Variants in INIP observed in about 807,000 individuals in gnomAD.
The protein encoded by INIP is SOSS complex subunit C.
INIP carries 9 observed loss-of-function variants against 14.0 expected under a neutral mutation model. The observed-to-expected ratio is 0.64, with a 90% CI of 0.39 to 1.12. INIP has a LOEUF of 1.12. Ranked by LOEUF, INIP falls within the 50% of genes most tolerant of loss-of-function variation. The pLI is 0.01. For synonymous variants in INIP, 37 were observed against 41.5 expected (o/e 0.89, Z 0.41); for missense variants, 78 against 122.7 (o/e 0.64, Z 1.72).
At chr9:112,696,768 C>T (rs1458886358) in intron 2 of INIP, among the ~76,000 whole-genome samples, 3 of 152,316 alleles carry the variant, frequency 2.0e-5, no homozygotes, top group East Asian at 1.9e-4. Context: ...ACTTTACTTA[C>T]ATTCACTAGT....
intron 2 of INIP, among the ~76,000 whole-genome samples, chr9:112,703,516 T>G (rs1838361882): frequency 6.6e-6 from 1 of 152,176 alleles, no homozygotes; most frequent in Non-Finnish European, 1.5e-5. Context: ...GCCAGGAATT[T>G]GAGACCAGCC....
At chr9:112,690,710 A>G (rs147482339) in intron 3 of INIP, among the ~76,000 whole-genome samples, 16 of 152,344 alleles carry the variant, frequency 1.1e-4, no homozygotes, top group South Asian at 1.0e-3. Flanking sequence ...TGGTTTAGGC[A>G]AGAGAAAGGT....
chr9:112,714,406 C>T (rs1454735542), intron 2 of INIP, among the ~76,000 whole-genome samples: 2 of 152,106 alleles, frequency 1.3e-5, no homozygotes, highest in East Asian at 1.9e-4. Flanking sequence ...AACTACTTGC[C>T]AAGTGAGATT....
chr9:112,699,515 A>G lies in INIP; in HGVS notation c.26-5282T>C, dbSNP rs189418077. Among the ~76,000 whole-genome samples the G allele has an allele frequency of 9.8e-5, 15 of 152,306 alleles. No individual in the cohort carries two copies. The East Asian group carries it at 2.9e-3, about 29-fold the overall frequency. On this transcript the variant is annotated intron_variant, in intron 2 of 4. Coordinates refer to ENST00000374242, the MANE Select transcript of INIP (RefSeq NM_021218.3). ...ACAACTTTCATTGCAGTATATTGTT[A>G]TAATTGTTAATTGTATTATTATTGT...
intron 4 of INIP, among the ~76,000 whole-genome samples, chr9:112,688,385 G>T (rs992700516): frequency 1.3e-5 from 2 of 151,896 alleles, no homozygotes; most frequent in African/African-American, 2.4e-5. Flanking sequence ...TGGAAGGAGA[G>T]GGGGGAAAAG....
intron 2 of INIP, among the ~76,000 whole-genome samples, chr9:112,714,901 C>T (rs78248000): frequency 0.016 from 2,360 of 152,080 alleles, 70 homozygotes; most frequent in African/African-American, 0.052. Flanking sequence ...CTAGGCTGTA[C>T]GGTACAGTCT....
At chr9:112,691,519 G>A (rs780884122) in intron 3 of INIP, among the ~76,000 whole-genome samples, 5 of 152,216 alleles carry the variant, frequency 3.3e-5, no homozygotes, top group Non-Finnish European at 7.3e-5. Context: ...TGATTAGCAC[G>A]TAAATAACAG....
intron 4 of INIP, 22 bp downstream of exon 4, chr9:112,689,505 G>C (rs1284889327): frequency 1.3e-6 from 2 of 1,599,600 alleles, no homozygotes; most frequent in Admixed American, 1.7e-5. Flanking sequence ...ACCGAGGCAA[G>C]AATGTCAGTT....
At chr9:112,696,862 G>A (rs1386658095) in intron 2 of INIP, among the ~76,000 whole-genome samples, 1 of 152,178 alleles carries the variant, frequency 6.6e-6, no homozygotes, top group African/African-American at 2.4e-5. Flanking sequence ...GAAGGGACAT[G>A]GAGCTTTAAC....
rs996988215 is a variant in INIP, at chr9:112,696,137, C to T, written c.26-1904G>A. Among the ~76,000 whole-genome samples, 6 of 152,088 alleles carry T rather than the reference C, an allele frequency of 3.9e-5. No individual in the cohort carries two copies. In the East Asian group the frequency reaches 1.2e-3, roughly 29 times the overall value. On this transcript the variant is annotated intron_variant, in intron 2 of 4. Transcript: ENST00000374242. ...GAACTCCTGGGCTCAAGCGATCCTC[C>T]CACCTTAGTCTCACAAAGTGCTAGG...
At chr9:112,707,868 T>A (rs1838529820) in intron 2 of INIP, among the ~76,000 whole-genome samples, 1 of 152,212 alleles carries the variant, frequency 6.6e-6, no homozygotes, top group African/African-American at 2.4e-5. Flanking sequence ...AACGTCACTG[T>A]GGCACTATTA....
chr9:112,689,479 G>T, intron 4 of INIP, 48 bp downstream of exon 4: 1 of 1,430,976 alleles, frequency 7.0e-7, no homozygotes, highest in Non-Finnish European at 9.8e-7. Flanking sequence ...CGGCTTCTGA[G>T]ATCCAGGAAA....
rs3033103 is a variant in INIP, at chr9:112,688,085, CAAATAAATAAAT to C, written c.220-464_220-453del. Among the ~76,000 whole-genome samples the C allele has an allele frequency of 9.4e-3, 1,371 of 145,732 alleles. 18 individuals carry two copies. The highest frequency in any genetic ancestry group is 0.025 in the South Asian group (113 of 4,504). ...TGGGCGACAGAGCGAGACTCCATCT[CAAATAAATAAAT>C]AAATAAATAAATAAATAAATAAATA... is the stretch of plus-strand genomic sequence containing the variant. On this transcript the variant is annotated intron_variant, in intron 4 of 4. Transcript: ENST00000374242.
chr9:112,701,136 C>T (rs1320675323), intron 2 of INIP, among the ~76,000 whole-genome samples: 2 of 151,832 alleles, frequency 1.3e-5, no homozygotes, highest in South Asian at 2.1e-4. Flanking sequence ...GATGAAACCC[C>T]GTCTCTACTA....
intron 2 of INIP, among the ~76,000 whole-genome samples, chr9:112,694,880 G>C (rs984001949): frequency 6.6e-6 from 1 of 152,122 alleles, no homozygotes; most frequent in East Asian, 1.9e-4. Flanking sequence ...CTTAATACTG[G>C]GCTGGATTTT....
intron 2 of INIP, among the ~76,000 whole-genome samples, chr9:112,705,816 C>A (rs1311735577): frequency 6.6e-6 from 1 of 152,064 alleles, no homozygotes; most frequent in Non-Finnish European, 1.5e-5. Context: ...GTGGAAAAAG[C>A]AGTGAAAGAA....
intron 2 of INIP, among the ~76,000 whole-genome samples, 153 bp downstream of exon 2, chr9:112,716,308 C>T (rs1389979537): frequency 3.3e-5 from 5 of 152,168 alleles, no homozygotes; most frequent in Non-Finnish European, 7.4e-5. Context: ...TCCCAAAGTA[C>T]TGGGATTACA....
intron 3 of INIP, among the ~76,000 whole-genome samples, chr9:112,692,185 T>C (rs894479006): frequency 6.6e-6 from 1 of 152,084 alleles, no homozygotes; most frequent in African/African-American, 2.4e-5. Context: ...CTGCAGCGGG[T>C]TGAGGCATCA....
intron 3 of INIP, among the ~76,000 whole-genome samples, chr9:112,690,294 C>T (rs1448896344): frequency 6.6e-6 from 1 of 152,020 alleles, no homozygotes; most frequent in Non-Finnish European, 1.5e-5. Context: ...AGTTCAAGAC[C>T]AGCCTGGGCA....
Sources: allele counts gnomAD v4.1 joint callset (sites outside exome capture counted in the v4.1 genomes callset), GRCh38; gene constraint gnomAD v4.1.1; transcripts MANE v1.5; gene names NCBI Gene and HGNC (gene_info 2026-07-23, HGNC 2026-07-21).